Variants in NAT10 observed in about 807,000 individuals in gnomAD.
NAT10 encodes N-acetyltransferase 10, also known as RNA cytidine acetyltransferase.
NAT10 carries 109 observed loss-of-function variants against 132.2 expected under a neutral mutation model. The ratio of observed to expected loss-of-function variants is 0.82; its 90% CI spans 0.71 to 0.97. The LOEUF is 0.97. Among genes scored for constraint, NAT10 ranks in the 50% least tolerant of loss-of-function variants. The pLI is 0.00. For missense variants in NAT10, 1,184 were observed against 1,263.4 expected (o/e 0.94, Z 0.95); for synonymous variants, 479 against 478.0 (o/e 1.00, Z -0.03).
In NAT10 at chr11:34,122,453, C is replaced by G. The variant is rs114351327; in HGVS notation, c.781-6C>G. On this transcript the variant is annotated splice_polypyrimidine_tract_variant and splice_region_variant and intron_variant, in intron 8 of 28. Transcript: ENST00000257829. ...GAGTTCACCTAATATGTTTCTGTTT[C>G]CACAGGCCAAAGCTGTCTTGAAATT... 2.0e-3 allele frequency: 3,221 copies of G among 1,614,080 alleles called. 53 individuals are homozygous for G. The African/African-American group carries it at 0.034, about 17-fold the overall frequency.
intron 21 of NAT10, 161 bp from the exon 22 acceptor site, chr11:34,139,030 G>A (rs914970982): frequency 8.1e-5 from 50 of 613,870 alleles, no homozygotes; most frequent in Admixed American, 2.1e-4. Context: ...GGAAGGTGAA[G>A]GCGAGGGCTG....
At chr11:34,106,916 G>A (rs1051591557) in intron 1 of NAT10, 1 of 151,990 alleles carries the variant, frequency 6.6e-6, no homozygotes, top group African/African-American at 2.4e-5. Context: ...GAGTTTCTAA[G>A]TAGCATGTCA....
chr11:34,112,875 A>G (rs2134155033), intron 4 of NAT10, among the ~76,000 whole-genome samples: 1 of 152,160 alleles, frequency 6.6e-6, no homozygotes, highest in African/African-American at 2.4e-5. Flanking sequence ...TCCCTTCCCC[A>G]TTCTCCCAAA....
At chr11:34,137,411 G>A (rs1209946117) in intron 21 of NAT10, among the ~76,000 whole-genome samples, 1 of 152,136 alleles carries the variant, frequency 6.6e-6, no homozygotes, top group Non-Finnish European at 1.5e-5. Flanking sequence ...CAGATTTGGA[G>A]GGAAGAGTGG....
intron 21 of NAT10, among the ~76,000 whole-genome samples, chr11:34,137,827 C>CA (rs1324335960): frequency 3.3e-5 from 5 of 152,140 alleles, no homozygotes; most frequent in Admixed American, 3.3e-4. Context: ...GGTGTGGTGT[C>CA]ACACGTCAAG....
At chr11:34,137,073 G>A in intron 21 of NAT10, 47 bp downstream of exon 21, 1 of 1,604,704 alleles carries the variant, frequency 6.2e-7, no homozygotes, top group Non-Finnish European at 8.5e-7. Context: ...TACCGTTATG[G>A]TAGGTGACAG....
Position 34,123,843 on chromosome 11 carries a change from T to A in NAT10, c.996T>A (p.Ala332=). Residue 332 remains alanine (A), a synonymous_variant, in exon 10 of 29, where the codon GCT becomes GCA. Coordinates refer to ENST00000257829, the MANE Select transcript of NAT10 (RefSeq NM_024662.3). ...AATTTGTATTTAAAGGATTTGATGC[T>A]CTGCAATATCAGGTAGGAAATTTGG... is the stretch of plus-strand genomic sequence containing the variant. The part of the protein sequence containing the change: ...LFEFVFKGFD[A]LQYQEHLDYE... The A allele has an allele frequency of 6.2e-7, 1 of 1,607,328 alleles. No homozygotes were observed. The highest frequency in any genetic ancestry group is 8.5e-7 in the Non-Finnish European group (1 of 1,173,810).
At chr11:34,111,975 G>A (rs1318361268) in intron 3 of NAT10, 77 bp from the exon 4 acceptor site, 2 of 1,547,462 alleles carry the variant, frequency 1.3e-6, no homozygotes, top group Admixed American at 3.5e-5. Flanking sequence ...GGTGATCACT[G>A]AGCCTTTCCC....
At position 34,141,162 on chromosome 11, in the gene NAT10, G is replaced by A. The variant is rs747541429; in HGVS notation, c.2666G>A (p.Gly889Asp). 6.2e-7 allele frequency: 1 copy of A among 1,613,882 alleles called. No individual in the cohort carries two copies. The highest frequency in any genetic ancestry group is 8.5e-7 in the Non-Finnish European group (1 of 1,180,016). ...QLEKEIELPSGQLMGLFNRII... is the reference protein window; with the variant it reads ...QLEKEIELPSDQLMGLFNRII... ...GAAAAGGAGATTGAGCTGCCCTCGGGCCAGTTGATGGGACTTTTCAACCGG... is the reference window on the plus strand; with the variant it reads ...GAAAAGGAGATTGAGCTGCCCTCGGACCAGTTGATGGGACTTTTCAACCGG... Residue 889 changes from glycine (G) to aspartate (D), a missense_variant, in exon 25 of 29, where the codon GGC (glycine) becomes GAC (aspartate). Transcript: ENST00000257829.
Position 34,115,929 on chromosome 11 carries a change from G to A in NAT10, c.557+45G>A, listed in dbSNP as rs115131777. On this transcript the variant is annotated intron_variant, in intron 6 of 28. Coordinates refer to ENST00000257829, the MANE Select transcript of NAT10 (RefSeq NM_024662.3). ...CAATTGTGGGGCAGCCACATTGGGA[G>A]GGACATTTTTATCTTGGACTCAACT... 1,839 of 1,594,490 alleles carry A rather than the reference G, an allele frequency of 1.2e-3. 25 individuals are homozygous for A. The African/African-American group carries it at 0.022, about 19-fold the overall frequency.
At chr11:34,121,928 C>T (rs1212974552) in intron 8 of NAT10, among the ~76,000 whole-genome samples, 7 of 149,408 alleles carry the variant, frequency 4.7e-5, no homozygotes, top group Middle Eastern at 3.6e-3. Context: ...GTAATCCCAG[C>T]ACTTTGGGAG....
intron 4 of NAT10, 151 bp downstream of exon 4, chr11:34,112,374 T>A (rs749384447): frequency 2.0e-5 from 18 of 911,492 alleles, no homozygotes; most frequent in Non-Finnish European, 3.0e-5. Flanking sequence ...CCTGGCCACT[T>A]TCCAAAGTAC....
chr11:34,145,074 G>C (rs1237048962), intron 28 of NAT10, among the ~76,000 whole-genome samples: 1 of 152,238 alleles, frequency 6.6e-6, no homozygotes, highest in Non-Finnish European at 1.5e-5. Context: ...TATGGCAAAT[G>C]TAGCACAGGG....
chr11:34,141,982 G>A, intron 26 of NAT10, 165 bp downstream of exon 26: 1 of 652,442 alleles, frequency 1.5e-6, no homozygotes, highest in Non-Finnish European at 2.7e-6. Flanking sequence ...AGCATTGTCT[G>A]AGCACACACA....
Position 34,140,563 on chromosome 11 carries a change from G to A in NAT10, c.2583G>A (p.Ala861=), listed in dbSNP as rs374547624. The change falls in exon 24 of 29, where the codon GCG becomes GCA. Residue 861 remains alanine (A), a synonymous_variant. Coordinates refer to ENST00000257829, the MANE Select transcript of NAT10 (RefSeq NM_024662.3). ...LNQLGDLALS[A]AQSALLLGIG... is the part of the protein sequence containing the mutation. ...AGCTGGGGGACCTGGCCCTGTCTGC[G>A]GCTCAGTCGGTATGCTATCTGTTGC... The A allele has an allele frequency of 3.9e-5, 63 of 1,613,904 alleles. No individual in the cohort carries two copies. In the African/African-American group the frequency reaches 7.7e-4, roughly 20 times the overall value.
intron 14 of NAT10, 79 bp from the exon 15 acceptor site, chr11:34,132,046 A>G: frequency 9.5e-7 from 1 of 1,057,908 alleles, no homozygotes; most frequent in Non-Finnish European, 1.5e-6. Flanking sequence ...CAGCTACGGA[A>G]ATTTGTTCTG....
In NAT10 at chr11:34,108,192, G is replaced by A; in HGVS notation, c.-15-19G>A. 1.3e-6 allele frequency: 2 copies of A among 1,558,536 alleles called. No homozygotes were observed. Among genetic ancestry groups the A allele is most frequent in the Non-Finnish European group, 1.8e-6 (2 of 1,129,654 alleles). On this transcript the variant is annotated intron_variant, in intron 1 of 28. Transcript: ENST00000257829. ...GACAATCTAGTGCGCATGGCCAGTTGTATTTCTTTCTCTTTTAGTAATAAT... is the reference window on the plus strand; with the variant it reads ...GACAATCTAGTGCGCATGGCCAGTTATATTTCTTTCTCTTTTAGTAATAAT...
At chr11:34,129,435 A>G (rs911250406) in intron 12 of NAT10, among the ~76,000 whole-genome samples, 3 of 152,014 alleles carry the variant, frequency 2.0e-5, no homozygotes, top group African/African-American at 7.3e-5. Flanking sequence ...TTCTTTGGAG[A>G]AATGTGTATT....
chr11:34,120,051 T>G (rs1284354870), intron 8 of NAT10, among the ~76,000 whole-genome samples: 1 of 152,128 alleles, frequency 6.6e-6, no homozygotes, highest in Non-Finnish European at 1.5e-5. Flanking sequence ...CCGTTTTAAT[T>G]TGTGTTGCTG....
Sources: allele counts gnomAD v4.1 joint callset (sites outside exome capture counted in the v4.1 genomes callset), GRCh38; gene constraint gnomAD v4.1.1; transcripts MANE v1.5; gene names NCBI Gene and HGNC (gene_info 2026-07-23, HGNC 2026-07-21).